The following SLC16A7 variants were observed in gnomAD, a reference collection of about 807,000 sequenced individuals.
The protein encoded by SLC16A7 is monocarboxylate transporter 2.
SLC16A7 carries 33 observed loss-of-function variants against 34.9 expected under a neutral mutation model. The ratio of observed to expected loss-of-function variants is 0.94; its 90% CI spans 0.72 to 1.26. The LOEUF (loss-of-function observed/expected upper bound fraction) is 1.26. Ranked by LOEUF, SLC16A7 falls within the 50% of genes most tolerant of loss-of-function variation. The pLI is 0.00. For synonymous variants in SLC16A7, 201 were observed against 206.6 expected, an observed-to-expected ratio of 0.97 and a Z score of 0.23; for missense variants, 573 against 578.1, an observed-to-expected ratio of 0.99 and a Z score of 0.09.
intron 5 of SLC16A7, among the ~76,000 whole-genome samples, chr12:59,778,180 G>T (rs1195573315): frequency 6.6e-6 from 1 of 152,014 alleles, no homozygotes; most frequent in Non-Finnish European, 1.5e-5. Flanking sequence ...ATGGGCCATG[G>T]ACCTAATGCT....
intron 2 of SLC16A7, among the ~76,000 whole-genome samples, chr12:59,681,215 T>A (rs944872889): frequency 1.3e-5 from 2 of 152,224 alleles, no homozygotes. Flanking sequence ...CTTAATCACC[T>A]ATCCCCTGGA....
chr12:59,641,007 A>G (rs1177958702), intron 1 of SLC16A7, among the ~76,000 whole-genome samples: 1 of 152,056 alleles, frequency 6.6e-6, no homozygotes, highest in African/African-American at 2.4e-5. Context: ...AATTAAAAAT[A>G]TATATATTTA....
At chr12:59,686,745 T>C (rs1871192210) in intron 2 of SLC16A7, among the ~76,000 whole-genome samples, 1 of 152,146 alleles carries the variant, frequency 6.6e-6, no homozygotes, top group South Asian at 2.1e-4. Flanking sequence ...TTTTCCCTGC[T>C]ACATTCCCGA....
intron 3 of SLC16A7, among the ~76,000 whole-genome samples, chr12:59,758,514 A>G: frequency 6.6e-6 from 1 of 152,220 alleles, no homozygotes; most frequent in Non-Finnish European, 1.5e-5. Context: ...TTATTCAATC[A>G]TAATAATTCA....
intron 2 of SLC16A7, among the ~76,000 whole-genome samples, chr12:59,677,194 A>G (rs73109999): frequency 6.6e-6 from 1 of 152,296 alleles, no homozygotes; most frequent in Non-Finnish European, 1.5e-5. Flanking sequence ...TCTAGTAAAA[A>G]GACAAAATCA....
At chr12:59,655,849 T>C (rs1868507784) in intron 2 of SLC16A7, among the ~76,000 whole-genome samples, 1 of 151,956 alleles carries the variant, frequency 6.6e-6, no homozygotes, top group South Asian at 2.1e-4. Context: ...ATGAGAAAAC[T>C]GATGCTCAGC....
At chr12:59,635,160 GATGT>G (rs1478524566) in intron 1 of SLC16A7, among the ~76,000 whole-genome samples, 2 of 152,040 alleles carry the variant, frequency 1.3e-5, no homozygotes. Flanking sequence ...GTTACAGCTG[GATGT>G]ATGTGCTCTA....
chr12:59,761,170 A>G, intron 3 of SLC16A7: 7 of 1,284,320 alleles, frequency 5.5e-6, no homozygotes, highest in Non-Finnish European at 7.1e-6. Context: ...TTGAGGATTC[A>G]GTGCAGCTTT....
In SLC16A7 at chr12:59,740,858, C is replaced by T. The variant is rs546818933; in HGVS notation, c.218-30361C>T. 2.5e-4 allele frequency among the ~76,000 whole-genome samples: 38 copies of T among 152,162 alleles called. 1 individual carries two copies. In the South Asian group the frequency reaches 7.5e-3, roughly 30 times the overall value. On this transcript the variant is annotated intron_variant, in intron 3 of 5. Transcript: ENST00000547379. Reference sequence around the variant, plus strand: ...TCCTTAAGCTGATAAGCAACTTCAGCAAAGTCTCAGGATACAAAATCAATG... The same window carrying T: ...TCCTTAAGCTGATAAGCAACTTCAGTAAAGTCTCAGGATACAAAATCAATG...
In SLC16A7 at chr12:59,775,398, C is replaced by A. The variant is rs1303183063; in HGVS notation, c.1103C>A (p.Ala368Glu). Residue 368 changes from alanine (A) to glutamate (E), a missense_variant, in exon 5 of 6, where the codon GCA becomes GAA. By Grantham distance (107) the Ala-to-Glu change is moderately radical. Transcript: ENST00000547379. Reference protein sequence around the residue: ...LFETLMDLVGAPRFSSAVGLV... With the variant: ...LFETLMDLVGEPRFSSAVGLV... The stretch of plus-strand genomic sequence containing the variant: ...GAAACTCTCATGGACCTCGTGGGTG[C>A]ACCAAGATTTTCCAGTGCCGTCGGA... The A allele has an allele frequency of 6.2e-7, 1 of 1,614,094 alleles. No homozygotes were observed.
chr12:59,786,376 C>T lies in SLC16A7; in HGVS notation c.*6697C>T, dbSNP rs539137999. 1 of 152,020 alleles carries T rather than the reference C, an allele frequency of 6.6e-6. No homozygotes were observed. Among genetic ancestry groups the T allele is most frequent in the East Asian group, 1.9e-4 (1 of 5,174 alleles). The allele number at this position is 152,020 out of a possible 1,614,324, so 9.4% of individuals were successfully genotyped here. ...TCTAAAATAAATGTTTTGAGTTAGA[C>T]TCAGTTTATATAGCTTCCTCGTTAG... On this transcript the variant is annotated 3_prime_UTR_variant, in exon 6 of 6. Coordinates refer to ENST00000547379, the MANE Select transcript of SLC16A7 (RefSeq NM_001270623.2).
chr12:59,736,399 A>G (rs1196529874), intron 3 of SLC16A7, among the ~76,000 whole-genome samples: 2 of 152,214 alleles, frequency 1.3e-5, no homozygotes, highest in African/African-American at 4.8e-5. Flanking sequence ...TTCTAAAACT[A>G]ATTTTAAGCA....
At chr12:59,654,452 T>G (rs1204613907) in intron 1 of SLC16A7, among the ~76,000 whole-genome samples, 1 of 151,756 alleles carries the variant, frequency 6.6e-6, no homozygotes, top group Non-Finnish European at 1.5e-5. Flanking sequence ...TGTTTTCAAG[T>G]AAAGAAGTTG....
chr12:59,678,997 C>T (rs770220930), intron 2 of SLC16A7, among the ~76,000 whole-genome samples: 14 of 152,296 alleles, frequency 9.2e-5, no homozygotes, highest in Middle Eastern at 3.4e-3. Flanking sequence ...CCAGGCTTGG[C>T]CTCAACTTTG....
At chr12:59,724,209 T>G (rs1385583369) in intron 3 of SLC16A7, among the ~76,000 whole-genome samples, 1 of 152,018 alleles carries the variant, frequency 6.6e-6, no homozygotes, top group Non-Finnish European at 1.5e-5. Flanking sequence ...TGTGTCTCAT[T>G]CTACTGCTGA....
chr12:59,608,443 G>A (rs1311667705), intron 1 of SLC16A7, among the ~76,000 whole-genome samples: 3 of 152,174 alleles, frequency 2.0e-5, no homozygotes, highest in Non-Finnish European at 4.4e-5. Flanking sequence ...ATCACTAAGG[G>A]ATATGACAAA....
At chr12:59,616,248 C>T (rs1214613388) in intron 1 of SLC16A7, among the ~76,000 whole-genome samples, 1 of 152,042 alleles carries the variant, frequency 6.6e-6, no homozygotes, top group Non-Finnish European at 1.5e-5. Flanking sequence ...GTGGGAAGCA[C>T]CCTGACAGTA....
intron 3 of SLC16A7, among the ~76,000 whole-genome samples, chr12:59,722,946 G>A (rs773139762): frequency 1.3e-5 from 2 of 151,904 alleles, no homozygotes; most frequent in Admixed American, 6.6e-5. Flanking sequence ...GCTAGTCTGA[G>A]AAAGGAACTG....
chr12:59,676,488 T>A (rs2137063483), intron 2 of SLC16A7, among the ~76,000 whole-genome samples: 1 of 152,202 alleles, frequency 6.6e-6, no homozygotes, highest in East Asian at 1.9e-4. Flanking sequence ...TATTCAGTAA[T>A]AATGGATTTT....
Sources: gnomAD v4.1 joint callset for allele counts (sites outside exome capture counted in the v4.1 genomes callset) on GRCh38, gnomAD v4.1.1 for gene constraint, MANE v1.5 for transcripts, NCBI Gene and HGNC (gene_info 2026-07-23, HGNC 2026-07-21) for gene names.